Variants in SLC22A23 observed in about 807,000 individuals in gnomAD.
The protein encoded by SLC22A23 is solute carrier family 22 member 23.
SLC22A23 carries 26 observed loss-of-function variants against 61.0 expected under a neutral mutation model. The ratio of observed to expected loss-of-function variants is 0.43; its 90% CI spans 0.31 to 0.59. The LOEUF is 0.59. Ranked by LOEUF, SLC22A23 falls within the 20% of genes least tolerant of loss-of-function variation. The pLI is 0.11. For synonymous variants in SLC22A23, 430 were observed against 413.9 expected (o/e 1.04, Z -0.47); for missense variants, 796 against 934.7 (o/e 0.85, Z 1.94).
intron 3 of SLC22A23, among the ~76,000 whole-genome samples, chr6:3,395,806 C>G (rs779675440): frequency 2.0e-5 from 3 of 152,206 alleles, no homozygotes; most frequent in Non-Finnish European, 2.9e-5. Flanking sequence ...ACATCTTTCT[C>G]CTATTCAACC....
At chr6:3,389,916 G>A (rs1767559723) in intron 3 of SLC22A23, among the ~76,000 whole-genome samples, 2 of 152,222 alleles carry the variant, frequency 1.3e-5, no homozygotes, top group African/African-American at 2.4e-5. Flanking sequence ...CGCTCTCATT[G>A]TTGCCTTTTG....
chr6:3,405,136 C>T (rs577635707), intron 3 of SLC22A23, among the ~76,000 whole-genome samples: 1 of 152,090 alleles, frequency 6.6e-6, no homozygotes, highest in African/African-American at 2.4e-5. Context: ...TGGTGGGTGC[C>T]TGTAATCCTA....
rs576628786 is a variant in SLC22A23 at position 3,316,539 on chromosome 6, C to T, written c.1082+7295G>A. Reference sequence around the variant, plus strand: ...CCTTGCTTACGATGACACCTCCACCCCTAGAAAACATTTAAGCACTCACAT... The same window carrying T: ...CCTTGCTTACGATGACACCTCCACCTCTAGAAAACATTTAAGCACTCACAT... On this transcript the variant is annotated intron_variant, in intron 4 of 9. Coordinates refer to ENST00000406686, the MANE Select transcript of SLC22A23 (RefSeq NM_015482.2). Among the ~76,000 whole-genome samples, 105 of 152,322 alleles carry T rather than the reference C, an allele frequency of 6.9e-4. 1 individual carries two copies. Among genetic ancestry groups the T allele is most frequent in the African/African-American group, 2.3e-3 (96 of 41,578 alleles).
chr6:3,314,647 A>AC (rs567856204), intron 4 of SLC22A23, among the ~76,000 whole-genome samples: 339 of 152,324 alleles, frequency 2.2e-3, no homozygotes, highest in Non-Finnish European at 3.4e-3. Context: ...AGGGCTATTT[A>AC]CATATTGGAA....
chr6:3,355,408 A>G (rs1765011497), intron 3 of SLC22A23, among the ~76,000 whole-genome samples: 1 of 152,142 alleles, frequency 6.6e-6, no homozygotes, highest in African/African-American at 2.4e-5. Flanking sequence ...ACCCTGTTCT[A>G]TGCAACAAAG....
chr6:3,352,750 T>C (rs1450746861), intron 3 of SLC22A23, among the ~76,000 whole-genome samples: 1 of 152,102 alleles, frequency 6.6e-6, no homozygotes, highest in Admixed American at 6.5e-5. Context: ...CTTACAGGTG[T>C]TCAAAAAGCA....
At chr6:3,293,259 A>T (rs542658900) in intron 5 of SLC22A23, among the ~76,000 whole-genome samples, 103 of 152,268 alleles carry the variant, frequency 6.8e-4, no homozygotes, top group African/African-American at 2.3e-3. Flanking sequence ...GGAGGAGGAG[A>T]AAGAGAATGA....
intron 3 of SLC22A23, among the ~76,000 whole-genome samples, chr6:3,368,813 G>A (rs1043628419): frequency 7.2e-5 from 11 of 152,130 alleles, no homozygotes; most frequent in Admixed American, 1.3e-4. Flanking sequence ...GCCAGGCAGC[G>A]GCGTCCTCTT....
intron 4 of SLC22A23, among the ~76,000 whole-genome samples, chr6:3,307,921 C>T (rs1762099675): frequency 6.6e-6 from 1 of 152,170 alleles, no homozygotes; most frequent in African/African-American, 2.4e-5. Flanking sequence ...GATCTGACAC[C>T]TGCTACAGCA....
chr6:3,379,859 A>C (rs9503571), intron 3 of SLC22A23, among the ~76,000 whole-genome samples: 1 of 152,010 alleles, frequency 6.6e-6, no homozygotes, highest in Non-Finnish European at 1.5e-5. Context: ...CTGTGGTTTC[A>C]TTTATTAGGG....
At chr6:3,354,986 A>G (rs1764981382) in intron 3 of SLC22A23, among the ~76,000 whole-genome samples, 1 of 152,180 alleles carries the variant, frequency 6.6e-6, no homozygotes, top group Non-Finnish European at 1.5e-5. Context: ...GCATTTGGAC[A>G]ATTTGTGCTA....
rs1763470405 is a variant in SLC22A23, at chr6:3,329,585, A to G, written c.914-5583T>C. On this transcript the variant is annotated intron_variant, in intron 3 of 9. Coordinates refer to ENST00000406686, the MANE Select transcript of SLC22A23 (RefSeq NM_015482.2). The surrounding 1 kb of genome is among the most constrained non-coding windows in gnomAD (Gnocchi z 4.8). ...CCGCTCTGGCCTAGAGGTGGGGGTT[A>G]GATTCCTCCCCGGCCTCTGCTGGGC... Among the ~76,000 whole-genome samples the G allele has an allele frequency of 6.6e-6, 1 of 152,194 alleles. No homozygotes were observed. Among genetic ancestry groups the G allele is most frequent in the Non-Finnish European group, 1.5e-5 (1 of 68,022 alleles).
At position 3,298,115 on chromosome 6, in the gene SLC22A23, C is replaced by T; in HGVS notation, c.1186G>A (p.Gly396Ser). Reference sequence around the variant, plus strand: ...CCTGGTATCACACCCTTGATGTCGCCCTCAGGGTTCATGCGATTCTTCTGT... The same window carrying T: ...CCTGGTATCACACCCTTGATGTCGCTCTCAGGGTTCATGCGATTCTTCTGT... Reference protein sequence around the residue: ...FTQKNRMNPEGDIKGVIPELE... With the variant: ...FTQKNRMNPESDIKGVIPELE... The change falls in exon 5 of 10, where the codon GGC becomes AGC. Residue 396 changes from glycine (G) to serine (S), a missense_variant. Transcript: ENST00000406686. 1.9e-6 allele frequency: 3 copies of T among 1,577,330 alleles called. No homozygotes were observed. Among genetic ancestry groups the T allele is most frequent in the African/African-American group, 1.4e-5 (1 of 72,446 alleles).
At chr6:3,290,731 G>A (rs78151902) in intron 5 of SLC22A23, 16,146 of 152,616 alleles carry the variant, frequency 0.11, 1,170 homozygotes, top group African/African-American at 0.2. Flanking sequence ...AATGGTGGGG[G>A]TGCTGGCCTC....
intron 1 of SLC22A23, among the ~76,000 whole-genome samples, chr6:3,428,974 C>CAATGCAT (rs563810597): frequency 0.3 from 45,806 of 151,998 alleles, 8,088 homozygotes; most frequent in East Asian, 0.47. Context: ...CTGTAGCCCC[C>CAATGCAT]TCTTCAAACG....
chr6:3,451,262 A>G (rs1298486815), intron 1 of SLC22A23, among the ~76,000 whole-genome samples: 1 of 152,198 alleles, frequency 6.6e-6, no homozygotes, highest in East Asian at 1.9e-4. Flanking sequence ...CAGTGGCGCG[A>G]TCTCGCTCAC....
chr6:3,364,073 T>C (rs1765649561), intron 3 of SLC22A23, among the ~76,000 whole-genome samples: 1 of 152,224 alleles, frequency 6.6e-6, no homozygotes, highest in South Asian at 2.1e-4. Context: ...AATAGAGCTT[T>C]TGCCTTCCCT....
intron 3 of SLC22A23, among the ~76,000 whole-genome samples, chr6:3,371,791 T>G (rs983953785): frequency 2.6e-5 from 4 of 152,190 alleles, no homozygotes; most frequent in Admixed American, 6.5e-5. Flanking sequence ...AGGCACTGTG[T>G]TAAGTGCTAC....
rs1445249720 is a variant in SLC22A23, at chr6:3,308,138, G to T, written c.1083-9920C>A. On this transcript the variant is annotated intron_variant, in intron 4 of 9. Coordinates refer to ENST00000406686, the MANE Select transcript of SLC22A23 (RefSeq NM_015482.2). The surrounding 1 kb of genome is among the most constrained non-coding windows in gnomAD (Gnocchi z 5.1). ...TGCACAACATCGCGTTGTGGATGTG[G>T]TCACTGAGTTGTACAATTTAAAATG... Among the ~76,000 whole-genome samples the T allele has an allele frequency of 6.6e-6, 1 of 152,206 alleles. No individual in the cohort carries two copies. Among genetic ancestry groups the T allele is most frequent in the Non-Finnish European group, 1.5e-5 (1 of 68,034 alleles).
Sources: allele counts gnomAD v4.1 joint callset (sites outside exome capture counted in the v4.1 genomes callset), GRCh38; gene constraint gnomAD v4.1.1; non-coding constraint Gnocchi (gnomAD v3.1); transcripts MANE v1.5; gene names NCBI Gene and HGNC (gene_info 2026-07-23, HGNC 2026-07-21).